Variants in EDIL3 observed in about 807,000 individuals in gnomAD.
The protein encoded by EDIL3 is EGF-like repeat and discoidin I-like domain-containing protein 3.
EDIL3 carries 37 observed loss-of-function variants against 67.4 expected under a neutral mutation model. The ratio of observed to expected loss-of-function variants is 0.55; its 90% CI spans 0.42 to 0.72. The LOEUF is 0.72. Among genes scored for constraint, EDIL3 ranks in the 30% least tolerant of loss-of-function variants. The pLI, the probability that EDIL3 is intolerant of heterozygous loss-of-function variation, is 0.00. For synonymous variants in EDIL3, 195 were observed against 196.3 expected (o/e 0.99, Z 0.05); for missense variants, 527 against 586.3 (o/e 0.90, Z 1.04).
At chr5:84,142,301 C>G (rs897620073) in intron 4 of EDIL3, among the ~76,000 whole-genome samples, 1 of 152,004 alleles carries the variant, frequency 6.6e-6, no homozygotes, top group Non-Finnish European at 1.5e-5. Context: ...ATTCAATAAT[C>G]TCATTCTTCA....
chr5:84,323,849 T>C (rs904322275), intron 1 of EDIL3, among the ~76,000 whole-genome samples: 6 of 151,746 alleles, frequency 4.0e-5, no homozygotes, highest in East Asian at 3.8e-4. Context: ...TAAGTTTTCA[T>C]AGAGGAAAAA....
chr5:84,106,698 A>G lies in EDIL3; in HGVS notation c.602T>C (p.Leu201Pro). ...PYYARLNKKG[L>P]INAWTAAEND... is the part of the protein sequence containing the mutation. ...TTCTGCAGCTGTCCACGCATTTATAAGCCCCTTCTTATTAAGACGTGCATA... is the reference window on the plus strand; with the variant it reads ...TTCTGCAGCTGTCCACGCATTTATAGGCCCCTTCTTATTAAGACGTGCATA... The change falls in exon 6 of 11, where the codon CTT becomes CCT. Residue 201 changes from leucine to proline, a missense_variant. Physicochemically the swap from Leu to Pro is moderately conservative, Grantham distance 98 (BLOSUM62 -3). Around this residue, in one of 2 missense-constraint regions of EDIL3, gnomAD observed 494 missense variants for 522.5 expected, o/e 0.95. Coordinates refer to ENST00000296591, the MANE Select transcript of EDIL3 (RefSeq NM_005711.5). 2 of 1,612,382 alleles carry G rather than the reference A, an allele frequency of 1.2e-6. No homozygotes were observed. Among genetic ancestry groups the G allele is most frequent in the Non-Finnish European group, 1.7e-6 (2 of 1,179,224 alleles).
intron 5 of EDIL3, among the ~76,000 whole-genome samples, chr5:84,112,568 C>A (rs1376555304): frequency 6.6e-6 from 1 of 152,166 alleles, no homozygotes; most frequent in African/African-American, 2.4e-5. Context: ...GTCTTACCTT[C>A]CTTCTCTTGC....
At chr5:84,331,611 C>T (rs551811869) in intron 1 of EDIL3, among the ~76,000 whole-genome samples, 7 of 152,206 alleles carry the variant, frequency 4.6e-5, no homozygotes, top group South Asian at 4.2e-4. Flanking sequence ...TGTGGAACTG[C>T]GAGTCAATTA....
chr5:84,295,158 TATATC>T (rs2112123381), intron 1 of EDIL3, among the ~76,000 whole-genome samples: 1 of 152,068 alleles, frequency 6.6e-6, no homozygotes, highest in Non-Finnish European at 1.5e-5. Flanking sequence ...TCCCATGCTA[TATATC>T]ATAATATAGA....
chr5:84,316,580 C>T (rs1394672970), intron 1 of EDIL3, among the ~76,000 whole-genome samples: 2 of 152,202 alleles, frequency 1.3e-5, no homozygotes, highest in South Asian at 2.1e-4. Context: ...TATATATGCA[C>T]CCCATACAGG....
chr5:84,281,513 GTATC>G (rs1745702834), intron 1 of EDIL3, among the ~76,000 whole-genome samples: 1 of 152,182 alleles, frequency 6.6e-6, no homozygotes, highest in Non-Finnish European at 1.5e-5. Context: ...ACTCAGCAAA[GTATC>G]TAATCAGTGC....
At chr5:84,023,623 G>A (rs936759555) in intron 9 of EDIL3, among the ~76,000 whole-genome samples, 2 of 151,878 alleles carry the variant, frequency 1.3e-5, no homozygotes, top group South Asian at 4.1e-4. Flanking sequence ...CTCCCACCCT[G>A]TAAGAGCATG....
At chr5:84,169,573 C>T (rs935995625) in intron 4 of EDIL3, among the ~76,000 whole-genome samples, 1 of 151,268 alleles carries the variant, frequency 6.6e-6, no homozygotes, top group Non-Finnish European at 1.5e-5. Flanking sequence ...CTGGAAACCA[C>T]TAATCTATCC....
chr5:84,010,720 A>T (rs779921831), intron 9 of EDIL3, among the ~76,000 whole-genome samples: 2 of 152,138 alleles, frequency 1.3e-5, no homozygotes, highest in African/African-American at 2.4e-5. Flanking sequence ...AAATTCTATC[A>T]TGTTCTTTGT....
intron 9 of EDIL3, among the ~76,000 whole-genome samples, chr5:83,988,937 A>G (rs187441492): frequency 2.6e-5 from 4 of 152,340 alleles, no homozygotes; most frequent in Non-Finnish European, 5.9e-5. Flanking sequence ...CACTACTTGT[A>G]GAATTGCTCA....
intron 1 of EDIL3, among the ~76,000 whole-genome samples, chr5:84,312,458 C>G (rs1367899809): frequency 7.0e-6 from 1 of 142,216 alleles, no homozygotes; most frequent in Admixed American, 7.0e-5. Flanking sequence ...TAGGGGCGGC[C>G]GGGCAGAGGC....
intron 4 of EDIL3, among the ~76,000 whole-genome samples, chr5:84,157,774 T>C (rs749252696): frequency 6.6e-6 from 1 of 151,998 alleles, no homozygotes; most frequent in Non-Finnish European, 1.5e-5. Flanking sequence ...GTTGGTAAAT[T>C]TGCTTTTCCC....
intron 9 of EDIL3, among the ~76,000 whole-genome samples, chr5:84,041,520 ACAGCTT>A (rs1388462989): frequency 2.0e-5 from 3 of 149,450 alleles, no homozygotes; most frequent in Non-Finnish European, 3.0e-5. Flanking sequence ...GAGCTTTAAG[ACAGCTT>A]GTAGAAAATG....
chr5:84,264,730 C>CTGCT (rs1745311612), intron 1 of EDIL3, among the ~76,000 whole-genome samples: 1 of 152,066 alleles, frequency 6.6e-6, no homozygotes, highest in Non-Finnish European at 1.5e-5. Flanking sequence ...CAGCAGAGGA[C>CTGCT]AAACTAAAAT....
rs142037572 is a variant in EDIL3 at position 84,243,132 on chromosome 5, G to GA, written c.196+10951dup. On this transcript the variant is annotated intron_variant, in intron 2 of 10. Coordinates refer to ENST00000296591, the MANE Select transcript of EDIL3 (RefSeq NM_005711.5). ...CTGAAAATACAGGCAAAATTAAAGG[G>GA]AAAAGGGTGAGGAAAAAAGTCTTTG... is the stretch of plus-strand genomic sequence containing the variant. Among the ~76,000 whole-genome samples, 11 of 152,224 alleles carry GA rather than the reference G, an allele frequency of 7.2e-5. No homozygotes were observed. The East Asian group carries it at 2.1e-3, about 29-fold the overall frequency.
chr5:84,091,287 A>C (rs922956615), intron 6 of EDIL3, among the ~76,000 whole-genome samples: 2 of 152,230 alleles, frequency 1.3e-5, no homozygotes, highest in Non-Finnish European at 2.9e-5. Flanking sequence ...ACGGAATTAC[A>C]GTCAATACAT....
At chr5:84,328,588 A>C (rs1746812088) in intron 1 of EDIL3, among the ~76,000 whole-genome samples, 1 of 152,070 alleles carries the variant, frequency 6.6e-6, no homozygotes, top group Non-Finnish European at 1.5e-5. Context: ...ATTATTATAA[A>C]TGGCTCTACA....
At chr5:83,984,046 A>G (rs1257694448) in intron 9 of EDIL3, among the ~76,000 whole-genome samples, 1 of 152,048 alleles carries the variant, frequency 6.6e-6, no homozygotes, top group Admixed American at 6.6e-5. Flanking sequence ...AGGCCAGGAC[A>G]GAGGAACAAT....
Sources: gnomAD v4.1 joint callset for allele counts (sites outside exome capture counted in the v4.1 genomes callset) on GRCh38, gnomAD v4.1.1 for gene constraint, gnomAD v4.1.1 regional missense constraint, MANE v1.5 for transcripts, NCBI Gene and HGNC (gene_info 2026-07-23, HGNC 2026-07-21) for gene names.